Variants in CPNE4 observed in about 807,000 individuals in gnomAD.
CPNE4 encodes copine 4.
CPNE4 carries 25 observed loss-of-function variants against 67.9 expected under a neutral mutation model. The observed-to-expected ratio is 0.37, with a 90% confidence interval of 0.27 to 0.51. CPNE4 has a LOEUF of 0.51. Ranked by LOEUF, CPNE4 falls within the 20% of genes least tolerant of loss-of-function variation. The pLI is 0.93. For synonymous variants in CPNE4, 242 were observed against 244.9 expected, an observed-to-expected ratio of 0.99 and a Z score of 0.11; for missense variants, 464 against 690.8, an observed-to-expected ratio of 0.67 and a Z score of 3.68.
chr3:131,749,241 T>A (rs543827160), intron 2 of CPNE4, among the ~76,000 whole-genome samples: 1 of 152,268 alleles, frequency 6.6e-6, no homozygotes, highest in South Asian at 2.1e-4. Flanking sequence ...CTGTTGCTTG[T>A]TTTTCAAGTG....
chr3:132,023,188 G>A (rs557102731), intron 1 of CPNE4, among the ~76,000 whole-genome samples: 1 of 152,116 alleles, frequency 6.6e-6, no homozygotes, highest in Non-Finnish European at 1.5e-5. Context: ...AAAGCCTCAC[G>A]CACTCTAGTC....
chr3:131,618,661 AC>A (rs1940297031), intron 7 of CPNE4, among the ~76,000 whole-genome samples: 1 of 152,154 alleles, frequency 6.6e-6, no homozygotes, highest in South Asian at 2.1e-4. Context: ...CTGTTCCATT[AC>A]CACTCAAGAT....
chr3:131,750,764 C>T (rs967740225), intron 2 of CPNE4, among the ~76,000 whole-genome samples: 5 of 151,964 alleles, frequency 3.3e-5, no homozygotes, highest in African/African-American at 1.2e-4. Context: ...TTTTTTGATG[C>T]TCCGATGTTC....
rs559339876 is a variant in CPNE4 at position 131,788,458 on chromosome 3, A to G, written c.181-64833T>C. On this transcript the variant is annotated intron_variant, in intron 2 of 15. Coordinates refer to ENST00000429747, the MANE Select transcript of CPNE4 (RefSeq NM_130808.3). The stretch of plus-strand genomic sequence containing the variant: ...GAGTTACAATTTTAAAACCGAGGGG[A>G]AAGTTTTTTAGGTACCTAAGTGATA... 1.1e-3 allele frequency among the ~76,000 whole-genome samples: 172 copies of G among 152,286 alleles called. No individual in the cohort carries two copies. The Middle Eastern group carries it at 0.024, about 21-fold the overall frequency.
rs575682486 is a variant in CPNE4, at chr3:131,991,177, G to A, written c.-2+43390C>T. On this transcript the variant is annotated intron_variant, in intron 1 of 15. Coordinates refer to ENST00000429747, the MANE Select transcript of CPNE4 (RefSeq NM_130808.3). ...TGAAGGAGTAGGGCATGGCTATAACGATGGAAGCAACTTTGGAACTGGGTA... is the reference window on the plus strand; with the variant it reads ...TGAAGGAGTAGGGCATGGCTATAACAATGGAAGCAACTTTGGAACTGGGTA... Among the ~76,000 whole-genome samples the A allele has an allele frequency of 2.9e-5, 4 of 136,038 alleles. 1 individual carries two copies. The highest frequency in any genetic ancestry group is 2.5e-4 in the Admixed American group (3 of 11,974). 89.2% of individuals were successfully genotyped at this position (136,038 alleles called of 152,430 possible).
chr3:131,804,040 G>GTC (rs928172909), intron 2 of CPNE4, among the ~76,000 whole-genome samples: 1 of 151,880 alleles, frequency 6.6e-6, no homozygotes, highest in African/African-American at 2.4e-5. Context: ...GAGTCAATTA[G>GTC]TCTCTCTCTC....
intron 2 of CPNE4, among the ~76,000 whole-genome samples, chr3:131,760,513 T>C (rs1258269853): frequency 6.6e-6 from 1 of 152,186 alleles, no homozygotes; most frequent in Admixed American, 6.5e-5. Flanking sequence ...CCATGTAACG[T>C]GTGTCTATGC....
At chr3:131,581,269 T>C (rs1234040821) in intron 9 of CPNE4, among the ~76,000 whole-genome samples, 1 of 152,074 alleles carries the variant, frequency 6.6e-6, no homozygotes, top group East Asian at 1.9e-4. Context: ...CTAGAAATGT[T>C]GGCTTCCCCA....
chr3:131,558,442 T>A (rs921404933), intron 11 of CPNE4, among the ~76,000 whole-genome samples: 3 of 151,926 alleles, frequency 2.0e-5, no homozygotes, highest in African/African-American at 7.2e-5. Flanking sequence ...GGAAAATGAC[T>A]GACAAAGACA....
At chr3:131,867,669 G>T (rs2087012987) in intron 2 of CPNE4, among the ~76,000 whole-genome samples, 1 of 152,164 alleles carries the variant, frequency 6.6e-6, no homozygotes, top group South Asian at 2.1e-4. Context: ...TTATTTGAGG[G>T]AGGTAGGGCA....
chr3:131,759,162 G>A (rs1418695087), intron 2 of CPNE4, among the ~76,000 whole-genome samples: 1 of 152,146 alleles, frequency 6.6e-6, no homozygotes, highest in Non-Finnish European at 1.5e-5. Context: ...GCCTTACACA[G>A]GTCATTGGGC....
intron 2 of CPNE4, among the ~76,000 whole-genome samples, chr3:131,793,035 G>A (rs1181806141): frequency 6.6e-6 from 1 of 151,766 alleles, no homozygotes; most frequent in African/African-American, 2.4e-5. Flanking sequence ...GCCCCACAAT[G>A]CACTGAGTTG....
rs1203169696 is a variant in CPNE4, at chr3:132,034,549, G to C, written c.-2+18C>G. On this transcript the variant is annotated intron_variant, in intron 1 of 15. Coordinates refer to ENST00000429747, the MANE Select transcript of CPNE4 (RefSeq NM_130808.3). ...AGCGCCCCAGGAACACAGGAATGAA[G>C]AGTTGGCATTTACTTACCTGGGTGT... is the stretch of plus-strand genomic sequence containing the variant. 1 of 977,852 alleles carries C rather than the reference G, an allele frequency of 1.0e-6. No homozygotes were observed. 60.6% of individuals were successfully genotyped at this position (977,852 alleles called of 1,614,324 possible).
chr3:131,909,441 A>G (rs375489741), intron 1 of CPNE4, among the ~76,000 whole-genome samples: 31 of 152,118 alleles, frequency 2.0e-4, no homozygotes. Context: ...AGAGGGGTCA[A>G]TTGTCTCATC....
chr3:131,877,077 A>G (rs1343677000), intron 2 of CPNE4, among the ~76,000 whole-genome samples: 1 of 151,764 alleles, frequency 6.6e-6, no homozygotes, highest in Non-Finnish European at 1.5e-5. Context: ...TTTCAAAGCT[A>G]ATGATTAGTT....
intron 1 of CPNE4, among the ~76,000 whole-genome samples, chr3:132,007,927 T>C (rs1693323723): frequency 6.6e-6 from 1 of 152,162 alleles, no homozygotes. Flanking sequence ...TTGTTCACAA[T>C]GGATAGCTCC....
intron 8 of CPNE4, among the ~76,000 whole-genome samples, chr3:131,583,114 T>C (rs183532266): frequency 1.1e-4 from 16 of 152,292 alleles, no homozygotes; most frequent in Non-Finnish European, 2.1e-4. Context: ...AATATGGAAT[T>C]CTTGGGTGAA....
At chr3:131,953,948 A>C (rs958310205) in intron 1 of CPNE4, among the ~76,000 whole-genome samples, 5 of 152,194 alleles carry the variant, frequency 3.3e-5, no homozygotes, top group African/African-American at 1.2e-4. Flanking sequence ...TGATATCCTA[A>C]ACATCCTGAT....
chr3:131,964,844 C>A (rs1477234862), intron 1 of CPNE4, among the ~76,000 whole-genome samples: 2 of 152,022 alleles, frequency 1.3e-5, no homozygotes, highest in Non-Finnish European at 2.9e-5. Context: ...GCAAGACAGG[C>A]CAACATTCAA....
Sources: gnomAD v4.1 joint callset for allele counts (sites outside exome capture counted in the v4.1 genomes callset) on GRCh38, gnomAD v4.1.1 for gene constraint, MANE v1.5 for transcripts, NCBI Gene and HGNC (gene_info 2026-07-23, HGNC 2026-07-21) for gene names.